The following HEATR5A variants were observed in gnomAD, a reference collection of about 807,000 sequenced individuals.
HEATR5A encodes the protein HEAT repeat-containing protein 5A.
Under a neutral mutation model 218.8 loss-of-function variants are expected in HEATR5A, and 178 were observed. The ratio of observed to expected loss-of-function variants is 0.81; its 90% CI spans 0.72 to 0.92. HEATR5A has a LOEUF of 0.92. Among genes scored for constraint, HEATR5A ranks in the 40% least tolerant of loss-of-function variants. The probability of loss-of-function intolerance (pLI) is 0.00; values close to 1 mark genes in which losing one functional copy is unlikely to be tolerated. For synonymous variants in HEATR5A, 864 were observed against 871.6 expected (o/e 0.99, Z 0.15); for missense variants, 2,420 against 2,418.9 (o/e 1.00, Z -0.01).
intron 1 of HEATR5A, among the ~76,000 whole-genome samples, chr14:31,415,519 G>A (rs1481926367): frequency 3.9e-5 from 6 of 152,170 alleles, no homozygotes; most frequent in Non-Finnish European, 7.3e-5. Flanking sequence ...CATCAGTTCA[G>A]GTCATGTTTT....
chr14:31,372,601 G>A (rs1216513199), intron 12 of HEATR5A, among the ~76,000 whole-genome samples: 1 of 152,156 alleles, frequency 6.6e-6, no homozygotes. Flanking sequence ...GGCTGAGGAG[G>A]GCAGATCACC....
chr14:31,377,589 A>C (rs917942133), intron 11 of HEATR5A, among the ~76,000 whole-genome samples: 1 of 152,066 alleles, frequency 6.6e-6, no homozygotes, highest in Non-Finnish European at 1.5e-5. Context: ...CAGGAGTTTA[A>C]GACCAACCTG....
intron 11 of HEATR5A, among the ~76,000 whole-genome samples, chr14:31,377,316 C>T (rs1902265170): frequency 6.6e-6 from 1 of 151,838 alleles, no homozygotes; most frequent in Admixed American, 6.6e-5. Flanking sequence ...AAGGGACTCC[C>T]AATGACCAAA....
chr14:31,303,343 G>A (rs1899449664), intron 32 of HEATR5A, among the ~76,000 whole-genome samples: 1 of 152,136 alleles, frequency 6.6e-6, no homozygotes. Context: ...TGAGGCAGAA[G>A]AACTGCTTGA....
intron 34 of HEATR5A, among the ~76,000 whole-genome samples, chr14:31,294,621 G>C (rs1346966191): frequency 1.3e-5 from 2 of 151,910 alleles, no homozygotes; most frequent in African/African-American, 4.8e-5. Flanking sequence ...TCGTTGGTCA[G>C]GCTGGTCTCG....
At chr14:31,347,182 A>G (rs1443362241) in intron 19 of HEATR5A, among the ~76,000 whole-genome samples, 1 of 152,174 alleles carries the variant, frequency 6.6e-6, no homozygotes, top group African/African-American at 2.4e-5. Context: ...AAGCTCTTTA[A>G]AATAGTAGAT....
chr14:31,373,893 T>C (rs1902129214), intron 12 of HEATR5A, among the ~76,000 whole-genome samples: 1 of 152,194 alleles, frequency 6.6e-6, no homozygotes, highest in South Asian at 2.1e-4. Flanking sequence ...ACCTTTATGA[T>C]GATCTACTTC....
intron 28 of HEATR5A, among the ~76,000 whole-genome samples, chr14:31,312,340 A>G (rs1339578928): frequency 2.0e-5 from 3 of 152,186 alleles, no homozygotes; most frequent in Non-Finnish European, 4.4e-5. Flanking sequence ...TTTCATAGCC[A>G]TCAGATTGGC....
At chr14:31,351,796 A>G (rs1329718644) in intron 16 of HEATR5A, among the ~76,000 whole-genome samples, 1 of 151,258 alleles carries the variant, frequency 6.6e-6, no homozygotes, top group South Asian at 2.1e-4. Context: ...TTTTTTTTTA[A>G]AAGAGATGAT....
chr14:31,386,605 T>C, intron 8 of HEATR5A, 30 bp from the exon 9 acceptor site: 4 of 1,540,158 alleles, frequency 2.6e-6, no homozygotes, highest in Non-Finnish European at 3.5e-6. Context: ...TAACTATGCA[T>C]AACCACTGTA....
At chr14:31,313,571 A>T (rs1456862406) in intron 27 of HEATR5A, among the ~76,000 whole-genome samples, 1 of 152,234 alleles carries the variant, frequency 6.6e-6, no homozygotes, top group African/African-American at 2.4e-5. Flanking sequence ...ATTCAAATGT[A>T]TCACTAAAGC....
Position 31,345,068 on chromosome 14 carries a change from C to T in HEATR5A, c.3058+19G>A. Reference sequence around the variant, plus strand: ...GTATTATTTTTAATGTAAAACATCACAAAAGCAGCTATGCACACCTTGTAG... The same window carrying T: ...GTATTATTTTTAATGTAAAACATCATAAAAGCAGCTATGCACACCTTGTAG... On this transcript the variant is annotated intron_variant, in intron 20 of 35. Coordinates refer to ENST00000543095, the MANE Select transcript of HEATR5A (RefSeq NM_015473.4). 2 of 1,580,642 alleles carry T rather than the reference C, an allele frequency of 1.3e-6. No homozygotes were observed. The highest frequency in any genetic ancestry group is 1.7e-6 in the Non-Finnish European group (2 of 1,167,616).
In HEATR5A at chr14:31,383,686, G is replaced by A. The variant is rs770369347; in HGVS notation, c.1431C>T (p.Ala477=). The change falls in exon 10 of 36, where the codon GCC becomes GCT. Residue 477 remains alanine, a synonymous_variant. Transcript: ENST00000543095. The part of the protein sequence containing the change: ...LAAAWCLHCI[A]VALPSYLTPL... ...GTGTTAGGTAGGAGGGTAATGCCACGGCAATGCAGTGTAAACACCAAGCTG... is the reference window on the plus strand; with the variant it reads ...GTGTTAGGTAGGAGGGTAATGCCACAGCAATGCAGTGTAAACACCAAGCTG... The A allele has an allele frequency of 1.4e-5, 22 of 1,613,694 alleles. No homozygotes were observed. Among genetic ancestry groups the A allele is most frequent in the Admixed American group, 1.7e-5 (1 of 59,984 alleles).
intron 12 of HEATR5A, among the ~76,000 whole-genome samples, chr14:31,372,887 C>CCTCT (rs574563233): frequency 1.3e-5 from 2 of 149,316 alleles, no homozygotes; most frequent in African/African-American, 2.5e-5. Context: ...TCTCTCTCTC[C>CCTCT]CTCTCTCTCT....
At chr14:31,340,597 C>A in intron 21 of HEATR5A, 1 of 536,694 alleles carries the variant, frequency 1.9e-6, no homozygotes, top group Non-Finnish European at 2.8e-6. Context: ...TTTAAATTGG[C>A]TTAGCTTCAG....
At chr14:31,362,788 A>C (rs952988063) in intron 14 of HEATR5A, among the ~76,000 whole-genome samples, 2 of 151,140 alleles carry the variant, frequency 1.3e-5, no homozygotes, top group East Asian at 1.9e-4. Context: ...AAAAAAAAAA[A>C]CAAAAAAAAG....
chr14:31,385,769 C>T (rs1023893715), intron 9 of HEATR5A, among the ~76,000 whole-genome samples: 2 of 152,066 alleles, frequency 1.3e-5, no homozygotes, highest in African/African-American at 4.8e-5. Context: ...CTCTTGTTGC[C>T]CAGGCTGGAG....
intron 3 of HEATR5A, 124 bp from the exon 4 acceptor site, chr14:31,398,905 T>C (rs2139301951): frequency 1.6e-6 from 1 of 613,404 alleles, no homozygotes; most frequent in East Asian, 2.8e-5. Context: ...ACTTTCTTTG[T>C]ATTATCCTTT....
At chr14:31,325,658 G>A (rs977457802) in intron 23 of HEATR5A, among the ~76,000 whole-genome samples, 1 of 151,866 alleles carries the variant, frequency 6.6e-6, no homozygotes, top group African/African-American at 2.4e-5. Flanking sequence ...ACAGGTGTGA[G>A]CCACCAGGCC....
Sources: gnomAD v4.1 joint callset for allele counts (sites outside exome capture counted in the v4.1 genomes callset) on GRCh38, gnomAD v4.1.1 for gene constraint, MANE v1.5 for transcripts, NCBI Gene and HGNC (gene_info 2026-07-23, HGNC 2026-07-21) for gene names.